Variants in ZNF721 observed in about 807,000 individuals in gnomAD.
ZNF721 encodes the protein zinc finger protein 721.
Under a neutral mutation model 2.4 loss-of-function variants are expected in ZNF721, and 2 were observed. The observed-to-expected ratio is 0.82, with a 90% CI of 0.34 to 2.58. ZNF721 has a LOEUF of 2.58. ZNF721 is among the 30% of genes most tolerant of loss of function. The probability of loss-of-function intolerance (pLI) is 0.11; values close to 1 mark genes in which losing one functional copy is unlikely to be tolerated. For synonymous variants in ZNF721, 398 were observed against 381.8 expected, an observed-to-expected ratio of 1.04 and a Z score of -0.50; for missense variants, 1,187 against 1,085.5, an observed-to-expected ratio of 1.09 and a Z score of -1.31.
intron 2 of ZNF721, among the ~76,000 whole-genome samples, chr4:455,743 C>T (rs1714826355): frequency 6.6e-6 from 1 of 152,048 alleles, no homozygotes; most frequent in Non-Finnish European, 1.5e-5. Flanking sequence ...AAAAAAATGG[C>T]AGTTTATAGT....
intron 2 of ZNF721, among the ~76,000 whole-genome samples, chr4:447,188 T>C (rs1553864280): frequency 6.6e-6 from 1 of 151,786 alleles, no homozygotes; most frequent in African/African-American, 2.4e-5. Flanking sequence ...CCAGGTGTGG[T>C]GGCAGGCACC....
In ZNF721 at chr4:472,792, G is replaced by C. The variant is rs887380154; in HGVS notation, c.-93-91C>G. The C allele has an allele frequency of 2.6e-6, 4 of 1,531,470 alleles. No individual in the cohort carries two copies. The South Asian group carries it at 4.8e-5, about 18-fold the overall frequency. 94.9% of individuals were successfully genotyped at this position (1,531,470 alleles called of 1,614,324 possible). On this transcript the variant is annotated intron_variant, in intron 1 of 2. Coordinates refer to ENST00000511833, the MANE Select transcript of ZNF721 (RefSeq NM_133474.4). ...AACCAGTTCTGACATGTGACTGACT[G>C]GGATTATCTGATAAAACAACTTTCA...
chr4:492,162 C>CA lies in ZNF721; in HGVS notation c.-94+6893dup, dbSNP rs141448200. 3.8e-3 allele frequency among the ~76,000 whole-genome samples: 546 copies of CA among 144,166 alleles called. 3 individuals are homozygous for CA. Among genetic ancestry groups the CA allele is most frequent in the African/African-American group, 0.013 (467 of 34,884 alleles). The allele number at this position is 144,166 out of a possible 152,430, so 94.6% of individuals were successfully genotyped here. ...TGGGTGACAGAGGGAGATTCCGTCT[C>CA]AAAAAAAAAAAAACAAACAAACAAA... On this transcript the variant is annotated intron_variant, in intron 1 of 2. Transcript: ENST00000511833.
rs781964734 is a variant in ZNF721, at chr4:442,490, G to T, written c.1977C>A (p.His659Gln). 1 of 1,612,104 alleles carries T rather than the reference G, an allele frequency of 6.2e-7. No homozygotes were observed. Among genetic ancestry groups the T allele is most frequent in the East Asian group, 2.2e-5 (1 of 44,824 alleles). The change falls in exon 3 of 3, where the codon CAC (histidine) becomes CAA (glutamine). Residue 659 changes from histidine (H) to glutamine (Q), a missense_variant. Coordinates refer to ENST00000511833, the MANE Select transcript of ZNF721 (RefSeq NM_133474.4). ...AFAPSTDLNQ[H>Q]TKILTGEQSY... ...TTTGCTCTCCAGTAAGAATTTTCGTGTGTTGATTCAGGTCTGTTGATGGGG... is the reference window on the plus strand; with the variant it reads ...TTTGCTCTCCAGTAAGAATTTTCGTTTGTTGATTCAGGTCTGTTGATGGGG...
At chr4:450,954 AAAATATATATATATAT>A (rs1303716123) in intron 2 of ZNF721, among the ~76,000 whole-genome samples, 44 of 38,650 alleles carry the variant, frequency 1.1e-3, no homozygotes, top group African/African-American at 2.2e-3. Flanking sequence ...AAAAAAAAAA[AAAATATATATATATAT>A]ATATATATAT....
chr4:464,714 C>T (rs1208853764), intron 2 of ZNF721, among the ~76,000 whole-genome samples: 2 of 151,926 alleles, frequency 1.3e-5, no homozygotes, highest in Non-Finnish European at 2.9e-5. Flanking sequence ...ATAGCAGGAC[C>T]CTGTCTCTAA....
intron 2 of ZNF721, among the ~76,000 whole-genome samples, chr4:466,140 A>T (rs1159434197): frequency 6.6e-6 from 1 of 152,006 alleles, no homozygotes; most frequent in East Asian, 1.9e-4. Context: ...AGAAAACTGC[A>T]GAACTCCTCG....
intron 2 of ZNF721, among the ~76,000 whole-genome samples, chr4:458,999 T>A (rs909874089): frequency 6.6e-6 from 1 of 152,174 alleles, no homozygotes; most frequent in Non-Finnish European, 1.5e-5. Context: ...GGGGCCAATA[T>A]TCAACATTCT....
At position 492,172 on chromosome 4, in the gene ZNF721, AAAAC is replaced by A. The variant is rs782297910; in HGVS notation, c.-94+6880_-94+6883del. Among the ~76,000 whole-genome samples, 145 of 143,958 alleles carry A rather than the reference AAAAC, an allele frequency of 1.0e-3. 1 individual carries two copies. The highest frequency in any genetic ancestry group is 4.2e-3 in the South Asian group (19 of 4,574). 94.4% of individuals were successfully genotyped at this position (143,958 alleles called of 152,430 possible). A position where few individuals can be genotyped will look rare whatever the true frequency, so the allele number is the denominator to read the frequency against. ...AGGGAGATTCCGTCTCAAAAAAAAA[AAAAC>A]AAACAAACAAACAAAAAAAAAACCT... is the stretch of plus-strand genomic sequence containing the variant. On this transcript the variant is annotated intron_variant, in intron 1 of 2. Coordinates refer to ENST00000511833, the MANE Select transcript of ZNF721 (RefSeq NM_133474.4).
intron 1 of ZNF721, among the ~76,000 whole-genome samples, chr4:479,152 T>C (rs1027759452): frequency 6.6e-6 from 1 of 152,214 alleles, no homozygotes; most frequent in Non-Finnish European, 1.5e-5. Flanking sequence ...TTGGTCACGA[T>C]AACAGCCATG....
At chr4:460,115 C>G (rs1288868943) in intron 2 of ZNF721, among the ~76,000 whole-genome samples, 1 of 152,180 alleles carries the variant, frequency 6.6e-6, no homozygotes, top group African/African-American at 2.4e-5. Flanking sequence ...CGACAGAACT[C>G]TCCACCCCAA....
At chr4:482,755 A>G (rs1333824850) in intron 1 of ZNF721, among the ~76,000 whole-genome samples, 1 of 152,056 alleles carries the variant, frequency 6.6e-6, no homozygotes, top group Non-Finnish European at 1.5e-5. Context: ...TCAGCCTCCC[A>G]AAGTGCTGGG....
intron 1 of ZNF721, among the ~76,000 whole-genome samples, chr4:483,369 G>T (rs1389675472): frequency 6.6e-6 from 1 of 152,046 alleles, no homozygotes; most frequent in Admixed American, 6.6e-5. Flanking sequence ...CCAATATGGT[G>T]AAACCCCGTC....
rs546986004 is a variant in ZNF721 at position 482,730 on chromosome 4, C to T, written c.-93-10029G>A. On this transcript the variant is annotated intron_variant, in intron 1 of 2. Coordinates refer to ENST00000511833, the MANE Select transcript of ZNF721 (RefSeq NM_133474.4). ...CAGGCTGGTCTCGATCTCTTGACCT[C>T]GGGATCTACCCGCCTCAGCCTCCCA... Among the ~76,000 whole-genome samples, 5 of 148,044 alleles carry T rather than the reference C, an allele frequency of 3.4e-5. No homozygotes were observed. The South Asian group carries it at 8.7e-4, about 26-fold the overall frequency.
chr4:471,960 C>T (rs574534448), intron 2 of ZNF721, among the ~76,000 whole-genome samples: 1 of 152,266 alleles, frequency 6.6e-6, no homozygotes, highest in Non-Finnish European at 1.5e-5. Context: ...ACTTAATGTT[C>T]AAAACAGGTT....
intron 2 of ZNF721, among the ~76,000 whole-genome samples, chr4:455,063 G>C (rs782119352): frequency 6.6e-6 from 1 of 152,138 alleles, no homozygotes; most frequent in Non-Finnish European, 1.5e-5. Context: ...TTTGCTTCCC[G>C]GTCTGGTGGT....
At chr4:462,254 G>A (rs1256546443) in intron 2 of ZNF721, among the ~76,000 whole-genome samples, 1 of 152,002 alleles carries the variant, frequency 6.6e-6, no homozygotes, top group Non-Finnish European at 1.5e-5. Flanking sequence ...GGAAATAAGA[G>A]GACACAAACA....
At position 464,745 on chromosome 4, in the gene ZNF721, AAAAT is replaced by A. The variant is rs1337890848; in HGVS notation, c.34+7826_34+7829del. 7.2e-5 allele frequency among the ~76,000 whole-genome samples: 11 copies of A among 152,230 alleles called. No homozygotes were observed. The South Asian group carries it at 2.3e-3, about 32-fold the overall frequency. On this transcript the variant is annotated intron_variant, in intron 2 of 2. Transcript: ENST00000511833. Reference sequence around the variant, plus strand: ...TCTAAAATAAATACAGGAATAAAATAAAATAAAGATTTCAGAATGCTATTTAGTC... The same window carrying A: ...TCTAAAATAAATACAGGAATAAAATAAAAGATTTCAGAATGCTATTTAGTC...
At chr4:477,233 G>T in intron 1 of ZNF721, among the ~76,000 whole-genome samples, 1 of 148,060 alleles carries the variant, frequency 6.8e-6, no homozygotes, top group East Asian at 2.0e-4. Flanking sequence ...AAGAGCAAGA[G>T]AATGAGACAC....
Sources: allele counts gnomAD v4.1 joint callset (sites outside exome capture counted in the v4.1 genomes callset), GRCh38; gene constraint gnomAD v4.1.1; transcripts MANE v1.5; gene names NCBI Gene and HGNC (gene_info 2026-07-23, HGNC 2026-07-21).